The following THG1L variants were observed in gnomAD, a reference collection of about 807,000 sequenced individuals.
The protein encoded by THG1L is probable tRNA(His) guanylyltransferase.
Under a neutral mutation model 35.2 loss-of-function variants are expected in THG1L, and 27 were observed. The ratio of observed to expected loss-of-function variants is 0.77; its 90% CI spans 0.57 to 1.06. The LOEUF is 1.06. THG1L is among the 50% of genes least tolerant of loss of function. THG1L has a pLI of 0.00. For missense variants in THG1L, 377 were observed against 371.8 expected (o/e 1.01, Z -0.12); for synonymous variants, 135 against 132.4 (o/e 1.02, Z -0.14).
intron 3 of THG1L, among the ~76,000 whole-genome samples, chr5:157,735,509 T>C (rs150535303): frequency 0.013 from 1,931 of 152,358 alleles, 19 homozygotes; most frequent in Non-Finnish European, 0.019. Context: ...TTTACTTGCT[T>C]GTTCTAGTTT....
intron 2 of THG1L, 83 bp from the exon 3 acceptor site, chr5:157,734,493 C>A (rs1054410376): frequency 5.6e-5 from 84 of 1,508,496 alleles, no homozygotes; most frequent in Non-Finnish European, 7.4e-5. Context: ...CTCTGTGGTA[C>A]CCACAGGTCT....
intron 2 of THG1L, among the ~76,000 whole-genome samples, chr5:157,734,031 A>G (rs1760801522): frequency 6.6e-6 from 1 of 152,182 alleles, no homozygotes; most frequent in Non-Finnish European, 1.5e-5. Flanking sequence ...CACATCCTGT[A>G]GGGAAAGGTT....
At chr5:157,734,518 A>AC in intron 2 of THG1L, 58 bp from the exon 3 acceptor site, 2 of 1,597,648 alleles carry the variant, frequency 1.3e-6, no homozygotes, top group Non-Finnish European at 1.7e-6. Flanking sequence ...ATGGTGTTGA[A>AC]CTAATTCCGT....
chr5:157,733,018 A>G lies in THG1L; in HGVS notation c.342A>G (p.Lys114=). The G allele has an allele frequency of 6.2e-7, 1 of 1,614,144 alleles. No individual in the cohort carries two copies. Among genetic ancestry groups the G allele is most frequent in the South Asian group, 1.1e-5 (1 of 91,074 alleles). ...SDEYSFVFKR[K]TNWFKRRASK... ...AGTACAGCTTTGTGTTCAAGCGGAA[A>G]ACCAATTGGTTTAAAAGAAGAGCCA... The change falls in exon 2 of 6, where the codon AAA becomes AAG. Residue 114 remains lysine, a synonymous_variant. Coordinates refer to ENST00000231198, the MANE Select transcript of THG1L (RefSeq NM_017872.5).
At chr5:157,737,772 A>T in intron 4 of THG1L, 115 bp from the exon 5 acceptor site, 1 of 733,802 alleles carries the variant, frequency 1.4e-6, no homozygotes. Context: ...AAGATGTTTG[A>T]TAAAATCCTT....
At chr5:157,733,901 A>G (rs1432300692) in intron 2 of THG1L, among the ~76,000 whole-genome samples, 1 of 152,054 alleles carries the variant, frequency 6.6e-6, no homozygotes, top group Non-Finnish European at 1.5e-5. Context: ...GAGCCAAGGA[A>G]TTTGAGGCAG....
chr5:157,731,693 C>G (rs2270816), intron 1 of THG1L, 62 bp downstream of exon 1: 227,082 of 1,534,204 alleles, frequency 0.15, 17,380 homozygotes, highest in Middle Eastern at 0.21. Flanking sequence ...CCAGCTTCTT[C>G]CCTTGCAAGT....
chr5:157,734,849 T>C (rs890622726), intron 3 of THG1L, 104 bp downstream of exon 3: 29 of 1,270,182 alleles, frequency 2.3e-5, no homozygotes, highest in Admixed American at 1.4e-4. Context: ...TTTCAACATA[T>C]ACGTTGTACA....
rs3194515 is a variant in THG1L, at chr5:157,739,590, C to T, written c.*108C>T. On this transcript the variant is annotated 3_prime_UTR_variant, in exon 6 of 6. Coordinates refer to ENST00000231198, the MANE Select transcript of THG1L (RefSeq NM_017872.5). ...ATCCCTACCACCCAGGACACTGGTG[C>T]GAATGACACAACTCAAGTTGGGAGG... is the stretch of plus-strand genomic sequence containing the variant. 449,743 of 1,300,680 alleles carry T rather than the reference C, an allele frequency of 0.35. 79,171 individuals are homozygous for T. Among genetic ancestry groups the T allele is most frequent in the East Asian group, 0.53 (21,514 of 40,698 alleles). 80.6% of individuals were successfully genotyped at this position (1,300,680 alleles called of 1,614,324 possible). A position where few individuals can be genotyped will look rare whatever the true frequency, so the allele number is the denominator to read the frequency against.
chr5:157,734,800 G>GGT, intron 3 of THG1L, 55 bp downstream of exon 3: 1 of 1,600,652 alleles, frequency 6.2e-7, no homozygotes, highest in Non-Finnish European at 8.6e-7. Flanking sequence ...ATGTCTTACA[G>GGT]GTGTTGATCT....
intron 2 of THG1L, 42 bp from the exon 3 acceptor site, chr5:157,734,534 T>A (rs1760816916): frequency 1.2e-6 from 2 of 1,608,786 alleles, no homozygotes; most frequent in East Asian, 2.2e-5. Context: ...TCCGTGTATT[T>A]TTCTTTTTCT....
intron 1 of THG1L, 86 bp from the exon 2 acceptor site, chr5:157,732,782 C>T (rs1760762797): frequency 4.0e-6 from 6 of 1,513,014 alleles, no homozygotes; most frequent in Non-Finnish European, 5.4e-6. Flanking sequence ...TTATCTTCCT[C>T]CAAACAGCCT....
Position 157,740,231 on chromosome 5 carries a change from G to C in THG1L, c.*749G>C, listed in dbSNP as rs1033988002. The C allele has an allele frequency of 2.6e-5, 4 of 152,222 alleles. No homozygotes were observed. Among genetic ancestry groups the C allele is most frequent in the Non-Finnish European group, 5.9e-5 (4 of 68,050 alleles). The allele number at this position is 152,222 out of a possible 1,614,324, so 9.4% of individuals were successfully genotyped here. A position where few individuals can be genotyped will look rare whatever the true frequency, so the allele number is the denominator to read the frequency against. ...GAAAGAAACAAGAATGCGTGAATGA[G>C]GATGAAGAAACATTTACCCCATGTA... is the stretch of plus-strand genomic sequence containing the variant. On this transcript the variant is annotated 3_prime_UTR_variant, in exon 6 of 6. Coordinates refer to ENST00000231198, the MANE Select transcript of THG1L (RefSeq NM_017872.5).
Position 157,739,709 on chromosome 5 carries a change from C to G in THG1L, c.*227C>G. On this transcript the variant is annotated 3_prime_UTR_variant, in exon 6 of 6. Transcript: ENST00000231198. The stretch of plus-strand genomic sequence containing the variant: ...CGGTGTTGGAACATGGTTCCTTTGG[C>G]AGAAGTGCTTTTTTTTTAATCGCAG... The G allele has an allele frequency of 2.5e-6, 1 of 393,540 alleles. No homozygotes were observed. Among genetic ancestry groups the G allele is most frequent in the Non-Finnish European group, 4.4e-6 (1 of 225,884 alleles). 24.4% of individuals were successfully genotyped at this position (393,540 alleles called of 1,614,324 possible). A position where few individuals can be genotyped will look rare whatever the true frequency, so the allele number is the denominator to read the frequency against.
intron 1 of THG1L, among the ~76,000 whole-genome samples, chr5:157,732,019 GC>G (rs1390718201): frequency 1.3e-5 from 2 of 152,056 alleles, no homozygotes; most frequent in Non-Finnish European, 2.9e-5. Context: ...TGTAAGCCTT[GC>G]TTGTGGGCAA....
At chr5:157,739,182 CAT>C (rs1260958727) in intron 5 of THG1L, 137 bp from the exon 6 acceptor site, 8 of 645,954 alleles carry the variant, frequency 1.2e-5, no homozygotes, top group African/African-American at 9.1e-5. Context: ...TATATATACA[CAT>C]ATTTATATCT....
chr5:157,735,553 A>G (rs1323530081), intron 3 of THG1L, among the ~76,000 whole-genome samples: 1 of 152,270 alleles, frequency 6.6e-6, no homozygotes, highest in African/African-American at 2.4e-5. Flanking sequence ...AGAGATTGAA[A>G]TAATATAAAT....
At position 157,732,858 on chromosome 5, in the gene THG1L, C is replaced by T. The variant is rs1362801153; in HGVS notation, c.192-10C>T. On this transcript the variant is annotated splice_polypyrimidine_tract_variant and intron_variant, in intron 1 of 5. Coordinates refer to ENST00000231198, the MANE Select transcript of THG1L (RefSeq NM_017872.5). ...CCATCCATGCTTTCTTCCCTTTTTC[C>T]CCTGTGAAGGTTTGCTGAGAAGCAC... 1.2e-6 allele frequency: 2 copies of T among 1,613,456 alleles called. No homozygotes were observed. Among genetic ancestry groups the T allele is most frequent in the Non-Finnish European group, 1.7e-6 (2 of 1,179,750 alleles).
intron 3 of THG1L, 90 bp from the exon 4 acceptor site, chr5:157,735,756 G>T (rs1760854646): frequency 1.2e-6 from 1 of 839,966 alleles, no homozygotes; most frequent in African/African-American, 1.8e-5. Context: ...TATGAAAGAG[G>T]AGAGGGTCAG....
Sources: allele counts gnomAD v4.1 joint callset (sites outside exome capture counted in the v4.1 genomes callset), GRCh38; gene constraint gnomAD v4.1.1; transcripts MANE v1.5; gene names NCBI Gene and HGNC (gene_info 2026-07-23, HGNC 2026-07-21).